Variants in SLC47A2 observed in about 807,000 individuals in gnomAD.
SLC47A2 encodes the protein solute carrier family 47 member 2.
A neutral mutation model predicts 67.7 loss-of-function variants in SLC47A2; 52 were observed. That is an observed-to-expected ratio of 0.77 (90% confidence interval 0.61 to 0.97). SLC47A2 has a LOEUF of 0.97. Ranked by LOEUF, SLC47A2 falls within the 50% of genes least tolerant of loss-of-function variation. SLC47A2 has a pLI of 0.00. For synonymous variants in SLC47A2, 278 were observed against 292.9 expected, an observed-to-expected ratio of 0.95 and a Z score of 0.52; for missense variants, 676 against 712.3, an observed-to-expected ratio of 0.95 and a Z score of 0.58.
intron 15 of SLC47A2, among the ~76,000 whole-genome samples, chr17:19,680,289 G>A (rs1219025929): frequency 2.6e-5 from 4 of 152,034 alleles, no homozygotes; most frequent in Non-Finnish European, 5.9e-5. Context: ...GCCAGTCTGG[G>A]CAATATAGTG....
chr17:19,713,637 A>G (rs2086164138), intron 4 of SLC47A2, among the ~76,000 whole-genome samples, 188 bp downstream of exon 4: 1 of 152,206 alleles, frequency 6.6e-6, no homozygotes, highest in Non-Finnish European at 1.5e-5. Flanking sequence ...CCTGCTGGTC[A>G]CTGCTGGAGC....
chr17:19,707,743 C>T lies in SLC47A2; in HGVS notation c.727+3G>A, dbSNP rs756053883. ...GCCTCCCAGAGCAGGCCAGGCCTCC[C>T]ACCTGCCCACGTCTCCAGGTGCAGC... On this transcript the variant is annotated splice_donor_region_variant and intron_variant, in intron 8 of 16. Transcript: ENST00000433844. The T allele has an allele frequency of 1.5e-5, 24 of 1,582,062 alleles. No individual in the cohort carries two copies. In the East Asian group the frequency reaches 5.6e-4, roughly 37 times the overall value.
Position 19,679,983 on chromosome 17 carries a change from T to C in SLC47A2, c.1449A>G (p.Arg483=). The C allele has an allele frequency of 6.2e-7, 1 of 1,614,010 alleles. No individual in the cohort carries two copies. Among genetic ancestry groups the C allele is most frequent in the Non-Finnish European group, 8.5e-7 (1 of 1,179,976 alleles). ...QQQRAESTAT[R]PGPEKAVLSS... ...ATAGGACTGCTTTCTCAGGCCCAGG[T>C]CTGGTTGCAGTGCTCTCTGCTCTCT... is the stretch of plus-strand genomic sequence containing the variant. The change falls in exon 16 of 17, where the codon AGA becomes AGG. Residue 483 remains arginine, a synonymous_variant. Coordinates refer to ENST00000433844, the MANE Select transcript of SLC47A2 (RefSeq NM_001099646.3).
intron 13 of SLC47A2, among the ~76,000 whole-genome samples, chr17:19,686,289 C>T (rs541277053): frequency 6.6e-6 from 1 of 152,028 alleles, no homozygotes; most frequent in Non-Finnish European, 1.5e-5. Context: ...TTGCAAGCCT[C>T]ATGGTAGCCT....
Position 19,678,806 on chromosome 17 carries a change from T to G in SLC47A2, c.1581A>C (p.Ser527=). 1 of 1,614,170 alleles carries G rather than the reference T, an allele frequency of 6.2e-7. No individual in the cohort carries two copies. Among genetic ancestry groups the G allele is most frequent in the Non-Finnish European group, 8.5e-7 (1 of 1,180,026 alleles). Residue 527 remains serine, a synonymous_variant, in exon 17 of 17, where the codon TCA becomes TCC. Coordinates refer to ENST00000433844, the MANE Select transcript of SLC47A2 (RefSeq NM_001099646.3). ...FRTPEEAHAL[S]APTSRLSVKQ... The stretch of plus-strand genomic sequence containing the variant: ...TCACTGATAGTCTGCTGGTAGGAGC[T>G]GAAAGGGCGTGGGCCTCCTCTGGAG...
chr17:19,688,498 A>C (rs1158143117), intron 13 of SLC47A2, among the ~76,000 whole-genome samples: 1 of 152,238 alleles, frequency 6.6e-6, no homozygotes, highest in African/African-American at 2.4e-5. Context: ...TAGTACTGGA[A>C]GTCCTAGCTA....
chr17:19,712,981 C>T (rs571546458), intron 4 of SLC47A2, among the ~76,000 whole-genome samples: 20 of 152,054 alleles, frequency 1.3e-4, no homozygotes, highest in African/African-American at 4.3e-4. Flanking sequence ...TTCAGAGTAA[C>T]GTGGTTCGTA....
chr17:19,707,910 G>A, intron 7 of SLC47A2, 67 bp from the exon 8 acceptor site: 1 of 1,457,916 alleles, frequency 6.9e-7, no homozygotes, highest in Non-Finnish European at 9.4e-7. Context: ...GCCTGAGAGA[G>A]AGGTGGCTCT....
chr17:19,702,120 A>G, intron 13 of SLC47A2: 1 of 985,154 alleles, frequency 1.0e-6, no homozygotes, highest in African/African-American at 1.7e-5. Flanking sequence ...AAAAAAAAAA[A>G]AAATTACATA....
At chr17:19,707,931 C>T in intron 7 of SLC47A2, 88 bp from the exon 8 acceptor site, 3 of 1,247,562 alleles carry the variant, frequency 2.4e-6, no homozygotes, top group Non-Finnish European at 3.4e-6. Context: ...GGCGGCCAGC[C>T]CGTGTGGGGC....
intron 13 of SLC47A2, among the ~76,000 whole-genome samples, chr17:19,690,880 G>A (rs764921051): frequency 6.6e-6 from 1 of 152,100 alleles, no homozygotes; most frequent in Non-Finnish European, 1.5e-5. Context: ...AGCACCTTGG[G>A]GGGTCGAGGT....
chr17:19,692,957 C>A (rs8068713), intron 13 of SLC47A2, among the ~76,000 whole-genome samples: 31,578 of 151,808 alleles, frequency 0.21, 3,675 homozygotes, highest in East Asian at 0.39. Context: ...ATGGTGAAAT[C>A]CCATCTCTAC....
At position 19,678,597 on chromosome 17, in the gene SLC47A2, G is replaced by C. The variant is rs2085239344; in HGVS notation, c.*89C>G. On this transcript the variant is annotated 3_prime_UTR_variant, in exon 17 of 17. Coordinates refer to ENST00000433844, the MANE Select transcript of SLC47A2 (RefSeq NM_001099646.3). ...TGGTTCAAAGTGTCCACCTGCACTA[G>C]ACCCCATTGGTGTTTTTGCAGGGCA... 7.4e-7 allele frequency: 1 copy of C among 1,352,616 alleles called. No individual in the cohort carries two copies. Among genetic ancestry groups the C allele is most frequent in the East Asian group, 2.3e-5 (1 of 43,342 alleles). 83.8% of individuals were successfully genotyped at this position (1,352,616 alleles called of 1,614,324 possible).
At chr17:19,688,840 G>A (rs911172864) in intron 13 of SLC47A2, among the ~76,000 whole-genome samples, 1 of 150,428 alleles carries the variant, frequency 6.6e-6, no homozygotes, top group Non-Finnish European at 1.5e-5. Context: ...TTACAGGCGT[G>A]AGTCACTGTG....
chr17:19,702,761 A>C, intron 12 of SLC47A2, 87 bp from the exon 13 acceptor site: 3 of 1,427,850 alleles, frequency 2.1e-6, no homozygotes, highest in Non-Finnish European at 2.9e-6. Flanking sequence ...CCACCCCCAC[A>C]AGAAAAAGCT....
rs2086135353 is a variant in SLC47A2 at position 19,712,742 on chromosome 17, C to T, written c.447G>A (p.Leu149=). The T allele has an allele frequency of 1.9e-6, 3 of 1,612,808 alleles. No individual in the cohort carries two copies. Among genetic ancestry groups the T allele is most frequent in the Admixed American group, 3.3e-5 (2 of 59,850 alleles). ...LFRQDPDVSR[L]TQDYVMIFIP... is the part of the protein sequence containing the mutation. The stretch of plus-strand genomic sequence containing the variant: ...TGAAAATCATTACATAGTCCTGGGT[C>T]AACCTGCAAGAGAGGGAGAAGCTCC... The change falls in exon 5 of 17, where the codon TTG becomes TTA. Residue 149 remains leucine (L), a synonymous_variant. Coordinates refer to ENST00000433844, the MANE Select transcript of SLC47A2 (RefSeq NM_001099646.3).
chr17:19,707,983 AC>A, intron 7 of SLC47A2, 140 bp from the exon 8 acceptor site: 1 of 848,106 alleles, frequency 1.2e-6, no homozygotes, highest in Non-Finnish European at 1.8e-6. Flanking sequence ...ATCAGACTCA[AC>A]CAGGGCCCAC....
At chr17:19,708,236 C>A in intron 7 of SLC47A2, 66 bp downstream of exon 7, 1 of 1,565,828 alleles carries the variant, frequency 6.4e-7, no homozygotes, top group South Asian at 1.1e-5. Context: ...TGATCTGTCT[C>A]CACCAGGGGT....
intron 10 of SLC47A2, 26 bp from the exon 11 acceptor site, chr17:19,704,204 G>C: frequency 1.3e-6 from 2 of 1,578,016 alleles, no homozygotes; most frequent in South Asian, 2.3e-5. Flanking sequence ...AGAAAGCACT[G>C]TCAGTGGGCC....
Sources: allele counts gnomAD v4.1 joint callset (sites outside exome capture counted in the v4.1 genomes callset), GRCh38; gene constraint gnomAD v4.1.1; transcripts MANE v1.5; gene names NCBI Gene and HGNC (gene_info 2026-07-23, HGNC 2026-07-21).